CADM2: variants seen among roughly 807,000 people sequenced by gnomAD.
The protein encoded by CADM2 is cell adhesion molecule 2.
A neutral mutation model predicts 49.8 loss-of-function variants in CADM2; 12 were observed. The observed-to-expected ratio is 0.24, with a 90% CI of 0.15 to 0.39. CADM2 has a LOEUF of 0.39. CADM2 is among the 10% of genes least tolerant of loss of function. The probability of loss-of-function intolerance (pLI) is 1.00; values close to 1 mark genes in which losing one functional copy is unlikely to be tolerated. For missense variants in CADM2, 378 were observed against 492.3 expected (o/e 0.77, Z 2.20); for synonymous variants, 214 against 175.4 (o/e 1.22, Z -1.74).
chr3:85,655,262 C>T (rs2065162027), intron 1 of CADM2, among the ~76,000 whole-genome samples: 1 of 151,648 alleles, frequency 6.6e-6, no homozygotes, highest in South Asian at 2.1e-4. Context: ...TCAAGTGATT[C>T]TCCTGCCTCA....
chr3:85,210,918 T>G (rs1382780022), intron 1 of CADM2, among the ~76,000 whole-genome samples: 1 of 152,168 alleles, frequency 6.6e-6, no homozygotes, highest in East Asian at 1.9e-4. Context: ...GGGTCTGGGC[T>G]TTTTTGCTGA....
intron 2 of CADM2, among the ~76,000 whole-genome samples, chr3:85,791,419 T>C (rs774441427): frequency 4.6e-5 from 7 of 151,978 alleles, no homozygotes; most frequent in Admixed American, 1.3e-4. Context: ...TAGACTCTAA[T>C]TTAGGCAACA....
rs546860560 is a variant in CADM2, at chr3:84,963,561, TTTTG to T, written c.61+3913_61+3916del. Among the ~76,000 whole-genome samples, 146 of 152,250 alleles carry T rather than the reference TTTTG, an allele frequency of 9.6e-4. 3 individuals carry two copies. In the South Asian group the frequency reaches 0.026, roughly 27 times the overall value. Reference sequence around the variant, plus strand: ...AGACAGATACTGGGGCTTTAGGTTTTTTTGTTTGTTTGTTTGTTTGTTTTTTGCC... The same window carrying T: ...AGACAGATACTGGGGCTTTAGGTTTTTTTGTTTGTTTGTTTGTTTTTTGCC... On this transcript the variant is annotated intron_variant, in intron 1 of 9. Coordinates refer to ENST00000383699, the MANE Select transcript of CADM2 (RefSeq NM_001167675.2).
At chr3:85,305,233 T>C (rs1209736851) in intron 1 of CADM2, among the ~76,000 whole-genome samples, 2 of 151,622 alleles carry the variant, frequency 1.3e-5, no homozygotes, top group East Asian at 3.9e-4. Flanking sequence ...TAAGACATCA[T>C]GAGATTATTT....
At position 85,104,745 on chromosome 3, in the gene CADM2, T is replaced by C. The variant is rs577862192; in HGVS notation, c.61+145077T>C. On this transcript the variant is annotated intron_variant, in intron 1 of 9. Coordinates refer to ENST00000383699, the MANE Select transcript of CADM2 (RefSeq NM_001167675.2). ...TTTGTTTGTATCGTCTTTTATTTCATTGAGCAGTGGTTTGTAGTTCTCCTT... is the reference window on the plus strand; with the variant it reads ...TTTGTTTGTATCGTCTTTTATTTCACTGAGCAGTGGTTTGTAGTTCTCCTT... Among the ~76,000 whole-genome samples, 15 of 152,312 alleles carry C rather than the reference T, an allele frequency of 9.8e-5. No individual in the cohort carries two copies. The South Asian group carries it at 1.4e-3, about 15-fold the overall frequency.
At chr3:85,634,613 T>G (rs1037211716) in intron 1 of CADM2, among the ~76,000 whole-genome samples, 1 of 152,044 alleles carries the variant, frequency 6.6e-6, no homozygotes, top group African/African-American at 2.4e-5. Flanking sequence ...TTTCAAATCA[T>G]TGTTTCCTAA....
intron 1 of CADM2, among the ~76,000 whole-genome samples, chr3:85,072,719 A>G (rs2107477439): frequency 6.6e-6 from 1 of 152,212 alleles, no homozygotes; most frequent in Non-Finnish European, 1.5e-5. Context: ...TTTGTAAAGG[A>G]AAAAATTTGA....
Position 85,430,959 on chromosome 3 carries a change from T to A in CADM2, c.62-295563T>A, listed in dbSNP as rs532051438. Among the ~76,000 whole-genome samples, 32 of 152,260 alleles carry A rather than the reference T, an allele frequency of 2.1e-4. No individual in the cohort carries two copies. In the South Asian group the frequency reaches 6.6e-3, roughly 32 times the overall value. ...GGAACGATGTGATTATTTAATAAGG[T>A]TAACAAGAAGATTATGTTGCTTAAT... On this transcript the variant is annotated intron_variant, in intron 1 of 9. Transcript: ENST00000383699.
intron 1 of CADM2, among the ~76,000 whole-genome samples, chr3:85,591,601 G>T (rs914052621): frequency 1.3e-5 from 2 of 151,986 alleles, no homozygotes; most frequent in African/African-American, 4.8e-5. Context: ...TTGGGGAAGA[G>T]CAGATGGTTG....
chr3:85,663,982 T>C (rs1033762198), intron 1 of CADM2, among the ~76,000 whole-genome samples: 2 of 152,032 alleles, frequency 1.3e-5, no homozygotes, highest in Non-Finnish European at 2.9e-5. Context: ...AGAAATATTT[T>C]ATGCACTTGG....
At chr3:86,009,448 T>A (rs1002698751) in intron 8 of CADM2, among the ~76,000 whole-genome samples, 2 of 151,502 alleles carry the variant, frequency 1.3e-5, no homozygotes, top group Non-Finnish European at 3.0e-5. Flanking sequence ...AGGAAGAAGA[T>A]CACTTATTTT....
intron 7 of CADM2, among the ~76,000 whole-genome samples, chr3:85,943,604 C>G (rs1722255358): frequency 6.6e-6 from 1 of 151,932 alleles, no homozygotes; most frequent in Non-Finnish European, 1.5e-5. Context: ...AATCCTAAGA[C>G]AAAAGAACAA....
intron 3 of CADM2, among the ~76,000 whole-genome samples, chr3:85,848,901 A>G (rs2074987345): frequency 6.6e-6 from 1 of 152,172 alleles, no homozygotes; most frequent in Admixed American, 6.5e-5. Context: ...ATTACAGATG[A>G]AAAAAATTGA....
chr3:85,535,987 T>A (rs1025214455), intron 1 of CADM2, among the ~76,000 whole-genome samples: 2 of 152,100 alleles, frequency 1.3e-5, no homozygotes, highest in Non-Finnish European at 2.9e-5. Flanking sequence ...AGAATAAAAC[T>A]TTGGGAGTCT....
intron 7 of CADM2, among the ~76,000 whole-genome samples, chr3:85,947,742 G>A (rs1212205360): frequency 1.3e-5 from 2 of 151,364 alleles, no homozygotes; most frequent in African/African-American, 4.8e-5. Context: ...GCTGACTCTC[G>A]GTAATCTCCA....
chr3:85,106,519 T>G (rs372586895), intron 1 of CADM2, among the ~76,000 whole-genome samples: 1 of 152,130 alleles, frequency 6.6e-6, no homozygotes, highest in Non-Finnish European at 1.5e-5. Flanking sequence ...ATACCATAAA[T>G]GAATATTGTG....
intron 1 of CADM2, among the ~76,000 whole-genome samples, chr3:85,542,405 G>T (rs2061571026): frequency 6.6e-6 from 1 of 151,952 alleles, no homozygotes; most frequent in Admixed American, 6.6e-5. Context: ...AGCTCCTTCA[G>T]AATAAAATTC....
At chr3:85,587,975 C>T (rs751583171) in intron 1 of CADM2, among the ~76,000 whole-genome samples, 1 of 151,944 alleles carries the variant, frequency 6.6e-6, no homozygotes, top group Non-Finnish European at 1.5e-5. Context: ...CCATGTTGCC[C>T]AAGCTGGTTT....
chr3:85,197,002 A>T lies in CADM2; in HGVS notation c.61+237334A>T, dbSNP rs113164376. The stretch of plus-strand genomic sequence containing the variant: ...TTTGTGAATTTTATTATAGAAGGAA[A>T]TCTTAATTGGCCTAGGGAAAACCTT... On this transcript the variant is annotated intron_variant, in intron 1 of 9. Transcript: ENST00000383699. 2.1e-3 allele frequency among the ~76,000 whole-genome samples: 317 copies of T among 152,078 alleles called. 1 individual carries two copies. The highest frequency in any genetic ancestry group is 7.2e-3 in the African/African-American group (300 of 41,538).
Sources: gnomAD v4.1 joint callset for allele counts (sites outside exome capture counted in the v4.1 genomes callset) on GRCh38, gnomAD v4.1.1 for gene constraint, MANE v1.5 for transcripts, NCBI Gene and HGNC (gene_info 2026-07-23, HGNC 2026-07-21) for gene names.